The following GPR158 variants were observed in gnomAD, a reference collection of about 807,000 sequenced individuals.
GPR158 encodes G protein-coupled receptor 158.
In GPR158, 30 loss-of-function variants were observed where a neutral mutation model predicts 78.2. The ratio of observed to expected loss-of-function variants is 0.38; its 90% CI spans 0.29 to 0.52. GPR158 has a LOEUF of 0.52. Ranked by LOEUF, GPR158 falls within the 20% of genes least tolerant of loss-of-function variation. The probability of loss-of-function intolerance (pLI) is 0.83; values close to 1 mark genes in which losing one functional copy is unlikely to be tolerated. For synonymous variants in GPR158, 581 were observed against 591.1 expected (o/e 0.98, Z 0.25); for missense variants, 1,463 against 1,523.5 (o/e 0.96, Z 0.66).
intron 4 of GPR158, among the ~76,000 whole-genome samples, chr10:25,464,913 C>T (rs1835402449): frequency 6.6e-6 from 1 of 152,166 alleles, no homozygotes; most frequent in African/African-American, 2.4e-5. Flanking sequence ...ATTTTCTTTT[C>T]ACCAAAAGCG....
intron 2 of GPR158, among the ~76,000 whole-genome samples, chr10:25,260,508 CT>C (rs879658572): frequency 1.6e-3 from 236 of 144,814 alleles, no homozygotes; most frequent in African/African-American, 3.1e-3. Context: ...ATATGTTAGG[CT>C]TTTTTTTTTT....
intron 5 of GPR158, among the ~76,000 whole-genome samples, chr10:25,499,906 C>T (rs920718330): frequency 1.2e-4 from 18 of 152,108 alleles, no homozygotes; most frequent in African/African-American, 4.1e-4. Context: ...GAGAGGCAGA[C>T]GGGCTAACTT....
chr10:25,508,320 G>A (rs1385511542), intron 5 of GPR158, among the ~76,000 whole-genome samples: 2 of 152,106 alleles, frequency 1.3e-5, no homozygotes, highest in Non-Finnish European at 2.9e-5. Context: ...GGGAAAGCTG[G>A]CATTCCTGTC....
chr10:25,421,114 T>A (rs75600917), intron 4 of GPR158, among the ~76,000 whole-genome samples: 1 of 152,214 alleles, frequency 6.6e-6, no homozygotes, highest in African/African-American at 2.4e-5. Flanking sequence ...TTTCTACTTA[T>A]ATGTGTCTTT....
chr10:25,266,892 A>C (rs1854052160), intron 2 of GPR158, among the ~76,000 whole-genome samples: 1 of 152,178 alleles, frequency 6.6e-6, no homozygotes, highest in Non-Finnish European at 1.5e-5. Context: ...TCTGCTTCAA[A>C]GTATTTAATT....
Position 25,594,280 on chromosome 10 carries a change from T to C in GPR158, c.1893-12T>C, listed in dbSNP as rs753189145. 4.6e-6 allele frequency: 6 copies of C among 1,306,158 alleles called. No individual in the cohort carries two copies. The highest frequency in any genetic ancestry group is 5.6e-6 in the Non-Finnish European group (5 of 900,260). The allele number at this position is 1,306,158 out of a possible 1,614,324, so 80.9% of individuals were successfully genotyped here. On this transcript the variant is annotated splice_polypyrimidine_tract_variant and intron_variant, in intron 8 of 10. Transcript: ENST00000376351. The stretch of plus-strand genomic sequence containing the variant: ...AATCTTGGATTGTTAACTCAATGAA[T>C]TCTCATTTCAGATTTGTTCTTGCCT...
intron 1 of GPR158, among the ~76,000 whole-genome samples, chr10:25,202,179 AT>A (rs1290132149): frequency 6.6e-6 from 1 of 152,032 alleles, no homozygotes; most frequent in Admixed American, 6.6e-5. Flanking sequence ...TAATTTCAGA[AT>A]TTGTTATTGG....
At chr10:25,314,841 G>GTCATATATATATA (rs1564419457) in intron 2 of GPR158, among the ~76,000 whole-genome samples, 2 of 114,890 alleles carry the variant, frequency 1.7e-5, no homozygotes, top group African/African-American at 7.6e-5. Flanking sequence ...ACATATACAC[G>GTCATATATATATA]TATATACATA....
rs879170613 is a variant in GPR158, at chr10:25,597,970, G to A, written c.2344G>A (p.Ala782Thr). ...EDKEGADHGTAKGTALIRKNP... is the reference protein window; with the variant it reads ...EDKEGADHGTTKGTALIRKNP... ...CAAGGAGGGCGCCGACCATGGCACA[G>A]CCAAAGGCACTGCCCTCATCAGGAA... Residue 782 changes from alanine to threonine, a missense_variant, in exon 11 of 11, where the codon GCC (alanine) becomes ACC (threonine). Physicochemically the swap from Ala to Thr is moderately conservative, Grantham distance 58. Transcript: ENST00000376351. 1 of 1,614,094 alleles carries A rather than the reference G, an allele frequency of 6.2e-7. No individual in the cohort carries two copies. Among genetic ancestry groups the A allele is most frequent in the Non-Finnish European group, 8.5e-7 (1 of 1,179,992 alleles).
chr10:25,314,847 A>G lies in GPR158; in HGVS notation c.1009-81064A>G, dbSNP rs938465512. Among the ~76,000 whole-genome samples, 32 of 126,624 alleles carry G rather than the reference A, an allele frequency of 2.5e-4. 1 individual carries two copies. 83.1% of individuals were successfully genotyped at this position (126,624 alleles called of 152,430 possible). A position where few individuals can be genotyped will look rare whatever the true frequency, so the allele number is the denominator to read the frequency against. On this transcript the variant is annotated intron_variant, in intron 2 of 10. Transcript: ENST00000376351. Reference sequence around the variant, plus strand: ...TTTAGTCATACATATACACGTATATACATACACACACTGTCATATATATAT... The same window carrying G: ...TTTAGTCATACATATACACGTATATGCATACACACACTGTCATATATATAT...
intron 5 of GPR158, among the ~76,000 whole-genome samples, chr10:25,493,961 C>T (rs946140663): frequency 6.6e-6 from 1 of 152,144 alleles, no homozygotes; most frequent in African/African-American, 2.4e-5. Flanking sequence ...TAATAAATGA[C>T]TCCCTGTAAG....
chr10:25,206,347 C>T (rs546894637), intron 1 of GPR158, among the ~76,000 whole-genome samples: 1 of 151,962 alleles, frequency 6.6e-6, no homozygotes, highest in Non-Finnish European at 1.5e-5. Flanking sequence ...ATAAGAACAA[C>T]CCATTTAATT....
chr10:25,273,299 G>C (rs555040265), intron 2 of GPR158, among the ~76,000 whole-genome samples: 1 of 151,926 alleles, frequency 6.6e-6, no homozygotes, highest in African/African-American at 2.4e-5. Flanking sequence ...AGTCTAACAG[G>C]GTATGCTTAC....
chr10:25,454,782 C>G (rs998724063), intron 4 of GPR158, among the ~76,000 whole-genome samples: 1 of 152,038 alleles, frequency 6.6e-6, no homozygotes, highest in Admixed American at 6.6e-5. Context: ...CTTTTTTATC[C>G]TCCTCCTTCT....
chr10:25,529,767 C>T (rs1194024627), intron 5 of GPR158, among the ~76,000 whole-genome samples: 1 of 152,154 alleles, frequency 6.6e-6, no homozygotes, highest in Non-Finnish European at 1.5e-5. Context: ...CAGCCTTTTT[C>T]ATTCCTGGCC....
intron 6 of GPR158, among the ~76,000 whole-genome samples, chr10:25,556,331 G>T (rs1434364588): frequency 6.6e-6 from 1 of 152,188 alleles, no homozygotes; most frequent in Non-Finnish European, 1.5e-5. Context: ...GGGTTTTAAC[G>T]TGAAGCAGTT....
At chr10:25,387,006 A>G (rs1356405397) in intron 2 of GPR158, among the ~76,000 whole-genome samples, 3 of 152,094 alleles carry the variant, frequency 2.0e-5, no homozygotes, top group African/African-American at 7.2e-5. Context: ...GACTTACAGT[A>G]CTATGTTTCG....
At chr10:25,569,659 G>C (rs74733023) in intron 6 of GPR158, among the ~76,000 whole-genome samples, 3,396 of 152,136 alleles carry the variant, frequency 0.022, 54 homozygotes, top group African/African-American at 0.038. Context: ...CCCTGCTTTT[G>C]ATTCCCATCA....
At chr10:25,322,760 A>AAT (rs2130480555) in intron 2 of GPR158, among the ~76,000 whole-genome samples, 1 of 152,310 alleles carries the variant, frequency 6.6e-6, no homozygotes, top group East Asian at 1.9e-4. Flanking sequence ...AAACAACATT[A>AAT]ATCTTCCTGT....
Sources: allele counts gnomAD v4.1 joint callset (sites outside exome capture counted in the v4.1 genomes callset), GRCh38; gene constraint gnomAD v4.1.1; transcripts MANE v1.5; gene names NCBI Gene and HGNC (gene_info 2026-07-23, HGNC 2026-07-21).